DNAI1: variants seen among roughly 807,000 people sequenced by gnomAD.
DNAI1 encodes dynein, axonemal, intermediate polypeptide 1.
DNAI1 carries 67 observed loss-of-function variants against 92.0 expected under a neutral mutation model. The observed-to-expected ratio is 0.73, with a 90% confidence interval of 0.60 to 0.89. DNAI1 has a LOEUF of 0.89. Among genes scored for constraint, DNAI1 ranks in the 40% least tolerant of loss-of-function variants. The pLI, the probability that DNAI1 is intolerant of heterozygous loss-of-function variation, is 0.00. For synonymous variants in DNAI1, 323 were observed against 319.6 expected (o/e 1.01, Z -0.11); for missense variants, 839 against 866.6 (o/e 0.97, Z 0.40).
Position 34,504,872 on chromosome 9 carries a change from G to A in DNAI1, c.1064-1755G>A, listed in dbSNP as rs57750924. On this transcript the variant is annotated intron_variant, in intron 12 of 19. Coordinates refer to ENST00000242317, the MANE Select transcript of DNAI1 (RefSeq NM_012144.4). Reference sequence around the variant, plus strand: ...AAGGGGAATTTTTGTTCCTGGAGTCGAAGGTGGCAAGGCTGAGGTATGGGA... The same window carrying A: ...AAGGGGAATTTTTGTTCCTGGAGTCAAAGGTGGCAAGGCTGAGGTATGGGA... 6.3e-3 allele frequency among the ~76,000 whole-genome samples: 956 copies of A among 152,230 alleles called. 12 individuals are homozygous for A. The highest frequency in any genetic ancestry group is 0.022 in the African/African-American group (910 of 41,544).
At chr9:34,495,520 C>T (rs1824704546) in intron 9 of DNAI1, among the ~76,000 whole-genome samples, 1 of 152,202 alleles carries the variant, frequency 6.6e-6, no homozygotes, top group African/African-American at 2.4e-5. Flanking sequence ...TACGGTGCAG[C>T]CCCTAACATA....
At chr9:34,490,270 C>A (rs1824560836) in intron 6 of DNAI1, 99 bp from the exon 7 acceptor site, 3 of 1,609,820 alleles carry the variant, frequency 1.9e-6, no homozygotes, top group African/African-American at 1.3e-5. Context: ...ATCACTCTCT[C>A]CTACCTCTGT....
chr9:34,492,523 T>TCTATAG (rs1824629329), intron 8 of DNAI1, among the ~76,000 whole-genome samples: 3 of 118,860 alleles, frequency 2.5e-5, no homozygotes, highest in African/African-American at 8.8e-5. Context: ...TATATATATA[T>TCTATAG]ATATATATAT....
chr9:34,460,123 C>A (rs1823920466), intron 1 of DNAI1, among the ~76,000 whole-genome samples: 2 of 152,186 alleles, frequency 1.3e-5, no homozygotes, highest in Non-Finnish European at 1.5e-5. Context: ...CAGATGTCAT[C>A]CCTTCTCACA....
chr9:34,464,708 T>G (rs1304566056), intron 1 of DNAI1, among the ~76,000 whole-genome samples: 1 of 152,222 alleles, frequency 6.6e-6, no homozygotes. Context: ...CTGTGGATGT[T>G]TTTGCTTATA....
chr9:34,509,624 C>G (rs921512751), intron 13 of DNAI1, among the ~76,000 whole-genome samples: 1 of 152,082 alleles, frequency 6.6e-6, no homozygotes, highest in Non-Finnish European at 1.5e-5. Flanking sequence ...ATGTTTGTCT[C>G]TTGGAAGGAT....
At chr9:34,518,687 T>C (rs1039607992) in intron 19 of DNAI1, among the ~76,000 whole-genome samples, 3 of 152,170 alleles carry the variant, frequency 2.0e-5, no homozygotes, top group African/African-American at 7.2e-5. Flanking sequence ...GCTGGCAGAG[T>C]TGGACAACCC....
At chr9:34,460,578 G>GGGCTTTACGTTGAAGTTC (rs11267619) in intron 1 of DNAI1, among the ~76,000 whole-genome samples, 27,308 of 152,084 alleles carry the variant, frequency 0.18, 2,669 homozygotes, top group East Asian at 0.33. Flanking sequence ...TGTTGGGGTT[G>GGGCTTTACGTTGAAGTTC]GGCTTTACGT....
At chr9:34,498,860 C>T (rs576245314) in intron 10 of DNAI1, among the ~76,000 whole-genome samples, 14 of 152,292 alleles carry the variant, frequency 9.2e-5, no homozygotes, top group African/African-American at 2.6e-4. Flanking sequence ...GGCTGGAAAA[C>T]GACCTTGAGT....
chr9:34,488,897 T>C (rs1036839503), intron 4 of DNAI1, among the ~76,000 whole-genome samples: 7 of 152,168 alleles, frequency 4.6e-5, no homozygotes, highest in African/African-American at 1.7e-4. Context: ...TCTCTGAAGA[T>C]CTATCCAGCT....
chr9:34,511,667 C>T (rs1017466531), intron 13 of DNAI1, among the ~76,000 whole-genome samples: 4 of 152,200 alleles, frequency 2.6e-5, no homozygotes, highest in African/African-American at 9.6e-5. Context: ...TCATTTATTT[C>T]TCATAACAAA....
chr9:34,470,125 T>C (rs1824110990), intron 1 of DNAI1, among the ~76,000 whole-genome samples: 2 of 152,120 alleles, frequency 1.3e-5, no homozygotes, highest in Non-Finnish European at 2.9e-5. Context: ...TTGTAACCCT[T>C]AGAGCAACCA....
At chr9:34,500,674 G>A (rs776462702) in intron 10 of DNAI1, 48 bp from the exon 11 acceptor site, 14 of 1,399,732 alleles carry the variant, frequency 1.0e-5, no homozygotes, top group Non-Finnish European at 1.4e-5. Context: ...ACCTGGGTTT[G>A]CCATAAAGCG....
chr9:34,474,467 A>T (rs1016703188), intron 1 of DNAI1, among the ~76,000 whole-genome samples: 1 of 150,532 alleles, frequency 6.6e-6, no homozygotes, highest in Non-Finnish European at 1.5e-5. Flanking sequence ...GAACCCCTGG[A>T]CTCAAGTGCT....
chr9:34,471,447 C>CAAAAAAAAAA (rs72230032), intron 1 of DNAI1, among the ~76,000 whole-genome samples: 1 of 83,990 alleles, frequency 1.2e-5, no homozygotes, highest in African/African-American at 4.8e-5. Flanking sequence ...ACCACCACCA[C>CAAAAAAAAAA]AAAAAAAAAA....
chr9:34,485,269 C>G, intron 3 of DNAI1, 29 bp downstream of exon 3: 1 of 1,613,040 alleles, frequency 6.2e-7, no homozygotes, highest in Non-Finnish European at 8.5e-7. Flanking sequence ...GTTCTTGCTC[C>G]TTGTACCTCT....
At chr9:34,483,424 T>C (rs768569400) in intron 1 of DNAI1, 24 bp from the exon 2 acceptor site, 5 of 1,608,936 alleles carry the variant, frequency 3.1e-6, no homozygotes, top group Non-Finnish European at 4.2e-6. Flanking sequence ...ATGACTTACC[T>C]TCTGTTTTCT....
chr9:34,483,329 C>A, intron 1 of DNAI1, 119 bp from the exon 2 acceptor site: 1 of 972,156 alleles, frequency 1.0e-6, no homozygotes, highest in Non-Finnish European at 1.6e-6. Context: ...TGCCAGCACG[C>A]TGTCACCTCT....
intron 12 of DNAI1, 33 bp downstream of exon 12, chr9:34,501,214 T>G: frequency 6.4e-7 from 1 of 1,562,040 alleles, no homozygotes; most frequent in South Asian, 1.1e-5. Flanking sequence ...TATTTGCTCA[T>G]GTAAACAGCA....
Sources: gnomAD v4.1 joint callset for allele counts (sites outside exome capture counted in the v4.1 genomes callset) on GRCh38, gnomAD v4.1.1 for gene constraint, MANE v1.5 for transcripts, NCBI Gene and HGNC (gene_info 2026-07-23, HGNC 2026-07-21) for gene names.